ZFAT: variants seen among roughly 807,000 people sequenced by gnomAD.
ZFAT encodes the protein zinc finger and AT-hook domain containing, also known as zinc finger protein ZFAT.
A neutral mutation model predicts 117.7 loss-of-function variants in ZFAT; 64 were observed. That is an observed-to-expected ratio of 0.54 (90% CI 0.44 to 0.67). ZFAT has a LOEUF of 0.67. Ranked by LOEUF, ZFAT falls within the 30% of genes least tolerant of loss-of-function variation. ZFAT has a pLI of 0.00. For synonymous variants in ZFAT, 679 were observed against 615.0 expected (o/e 1.10, Z -1.54); for missense variants, 1,433 against 1,584.5 (o/e 0.90, Z 1.62).
At chr8:134,775,043 AGGAAGCAG>A in the ZFAT span, among the ~76,000 whole-genome samples, 1 of 152,200 alleles carries the variant, frequency 6.6e-6, no homozygotes, top group African/African-American at 2.4e-5. Context: ...GCTTGAACCC[AGGAAGCAG>A]AGTTTGCAGT....
At chr8:134,747,141 T>C in the ZFAT span, among the ~76,000 whole-genome samples, 901 of 152,226 alleles carry the variant, frequency 5.9e-3, 6 homozygotes, top group African/African-American at 0.021. Flanking sequence ...CAGGTTGGAG[T>C]GCAGTGGCAT....
At chr8:134,811,114 C>T in the ZFAT span, among the ~76,000 whole-genome samples, 1 of 151,894 alleles carries the variant, frequency 6.6e-6, no homozygotes, top group African/African-American at 2.4e-5. Context: ...CTGAACAAAG[C>T]CAGTGAGATA....
At chr8:134,626,524 C>A (rs1829524905) in intron 3 of ZFAT, among the ~76,000 whole-genome samples, 1 of 152,254 alleles carries the variant, frequency 6.6e-6, no homozygotes, top group Non-Finnish European at 1.5e-5. Flanking sequence ...GATGGTCACA[C>A]AGAAGAAGAG....
At chr8:134,693,762 A>T (rs1254743194) in intron 1 of ZFAT, among the ~76,000 whole-genome samples, 1 of 152,210 alleles carries the variant, frequency 6.6e-6, no homozygotes, top group African/African-American at 2.4e-5. Flanking sequence ...GAATGAAGAA[A>T]GTCCTTGGAG....
chr8:134,524,370 A>T (rs1207035288), intron 12 of ZFAT, among the ~76,000 whole-genome samples: 1 of 152,202 alleles, frequency 6.6e-6, no homozygotes, highest in East Asian at 1.9e-4. Context: ...GCCAGCATTC[A>T]CATCTCCTCC....
At chr8:134,832,234 G>A in the ZFAT span, among the ~76,000 whole-genome samples, 7 of 151,586 alleles carry the variant, frequency 4.6e-5, no homozygotes, top group African/African-American at 1.5e-4. Context: ...GCGCGGCGGC[G>A]GCAGCGGCTC....
At chr8:134,523,218 C>T (rs1363301545) in intron 12 of ZFAT, among the ~76,000 whole-genome samples, 1 of 152,240 alleles carries the variant, frequency 6.6e-6, no homozygotes, top group Non-Finnish European at 1.5e-5. Context: ...TATGCTTTCC[C>T]TGTCCCACGG....
chr8:134,603,048 A>G, intron 5 of ZFAT, 115 bp from the exon 6 acceptor site: 1 of 1,400,414 alleles, frequency 7.1e-7, no homozygotes, highest in Non-Finnish European at 9.7e-7. Flanking sequence ...AACTGGACAG[A>G]CGCTGGATGG....
At chr8:134,609,203 T>G (rs1031284679) in intron 4 of ZFAT, among the ~76,000 whole-genome samples, 5 of 152,064 alleles carry the variant, frequency 3.3e-5, no homozygotes, top group African/African-American at 1.2e-4. Context: ...TACATATATA[T>G]GTTACTTGCA....
chr8:134,638,425 G>A (rs1051905531), intron 2 of ZFAT, among the ~76,000 whole-genome samples: 1 of 151,898 alleles, frequency 6.6e-6, no homozygotes, highest in African/African-American at 2.4e-5. Flanking sequence ...GTGAGCGGGG[G>A]CCAGGCGCGG....
Position 134,478,331 on chromosome 8 carries a change from G to A in ZFAT, c.*151C>T. 1 of 1,210,584 alleles carries A rather than the reference G, an allele frequency of 8.3e-7. No individual in the cohort carries two copies. Among genetic ancestry groups the A allele is most frequent in the South Asian group, 1.6e-5 (1 of 63,374 alleles). The allele number at this position is 1,210,584 out of a possible 1,614,324, so 75.0% of individuals were successfully genotyped here. A position where few individuals can be genotyped will look rare whatever the true frequency, so the allele number is the denominator to read the frequency against. ...ATGCTGACTGCCTTGCCCACCCCAAGTTGGACTAGGAGAGTCCTATCAGGC... is the reference window on the plus strand; with the variant it reads ...ATGCTGACTGCCTTGCCCACCCCAAATTGGACTAGGAGAGTCCTATCAGGC... On this transcript the variant is annotated 3_prime_UTR_variant, in exon 16 of 16. Coordinates refer to ENST00000377838, the MANE Select transcript of ZFAT (RefSeq NM_020863.4). This position sits in a 1 kb window ranked among gnomAD's most constrained non-coding sequence, Gnocchi z 5.2.
At chr8:134,750,761 G>GTC in the ZFAT span, among the ~76,000 whole-genome samples, 1 of 152,132 alleles carries the variant, frequency 6.6e-6, no homozygotes, top group African/African-American at 2.4e-5. Context: ...GCGAGACCCT[G>GTC]TCTCAAAAAC....
At chr8:134,485,182 G>C (rs1053558286) in intron 15 of ZFAT, among the ~76,000 whole-genome samples, 6 of 152,132 alleles carry the variant, frequency 3.9e-5, no homozygotes, top group Non-Finnish European at 8.8e-5. Flanking sequence ...TGCCCTGGGG[G>C]GCTCTGCCCA....
the ZFAT span, among the ~76,000 whole-genome samples, chr8:134,758,409 G>A: frequency 6.6e-6 from 1 of 152,238 alleles, no homozygotes; most frequent in African/African-American, 2.4e-5. Flanking sequence ...GCTGTGTGAT[G>A]TTGGGCAAAT....
chr8:134,587,352 G>A (rs568777269), intron 9 of ZFAT, among the ~76,000 whole-genome samples: 1 of 152,120 alleles, frequency 6.6e-6, no homozygotes, highest in Admixed American at 6.5e-5. Flanking sequence ...GCCTTCTCCG[G>A]GTTCCCAATC....
intron 12 of ZFAT, among the ~76,000 whole-genome samples, chr8:134,530,442 A>G (rs1030329989): frequency 3.9e-5 from 6 of 152,196 alleles, no homozygotes; most frequent in Non-Finnish European, 7.3e-5. Context: ...TCTCTCCTAG[A>G]CATAAGAACA....
At chr8:134,535,591 C>T (rs1010939894) in intron 11 of ZFAT, among the ~76,000 whole-genome samples, 3 of 151,342 alleles carry the variant, frequency 2.0e-5, no homozygotes, top group African/African-American at 7.3e-5. Context: ...ACCAAGGCCA[C>T]ACTCTGGTTA....
At chr8:134,800,271 T>C in the ZFAT span, among the ~76,000 whole-genome samples, 1 of 117,532 alleles carries the variant, frequency 8.5e-6, no homozygotes, top group Non-Finnish European at 1.8e-5. Flanking sequence ...TTTAGAGTAA[T>C]TTTTCCTCTA....
At chr8:134,806,024 T>G in the ZFAT span, among the ~76,000 whole-genome samples, 1 of 152,004 alleles carries the variant, frequency 6.6e-6, no homozygotes, top group Non-Finnish European at 1.5e-5. Flanking sequence ...AGTAACCTTC[T>G]TTTGGGGAAA....
Sources: gnomAD v4.1 joint callset for allele counts (sites outside exome capture counted in the v4.1 genomes callset) on GRCh38, gnomAD v4.1.1 for gene constraint, Gnocchi (gnomAD v3.1) non-coding constraint, MANE v1.5 for transcripts, NCBI Gene and HGNC (gene_info 2026-07-23, HGNC 2026-07-21) for gene names.